Variants in SKAP1 observed in about 807,000 individuals in gnomAD.
SKAP1 encodes src kinase-associated phosphoprotein 1.
SKAP1 carries 44 observed loss-of-function variants against 58.5 expected under a neutral mutation model. The ratio of observed to expected loss-of-function variants is 0.75; its 90% CI spans 0.59 to 0.97. SKAP1 has a LOEUF of 0.97. Ranked by LOEUF, SKAP1 falls within the 50% of genes least tolerant of loss-of-function variation. The probability of loss-of-function intolerance (pLI) is 0.00; values close to 1 mark genes in which losing one functional copy is unlikely to be tolerated. For missense variants in SKAP1, 390 were observed against 435.2 expected, an observed-to-expected ratio of 0.90 and a Z score of 0.92; for synonymous variants, 127 against 149.7, an observed-to-expected ratio of 0.85 and a Z score of 1.11.
At chr17:48,410,110 C>T (rs1408303874) in intron 1 of SKAP1, among the ~76,000 whole-genome samples, 1 of 152,140 alleles carries the variant, frequency 6.6e-6, no homozygotes, top group Non-Finnish European at 1.5e-5. Flanking sequence ...TATGGGTTAA[C>T]AATTCTTATA....
chr17:48,295,142 T>C (rs2065949901), intron 4 of SKAP1, among the ~76,000 whole-genome samples: 1 of 152,190 alleles, frequency 6.6e-6, no homozygotes, highest in African/African-American at 2.4e-5. Flanking sequence ...TGCTAGACTC[T>C]TATATGATCA....
At chr17:48,320,490 C>G (rs1423469742) in intron 4 of SKAP1, among the ~76,000 whole-genome samples, 1 of 152,092 alleles carries the variant, frequency 6.6e-6, no homozygotes, top group Non-Finnish European at 1.5e-5. Context: ...TTGGCCTGAA[C>G]TTTATAACTC....
chr17:48,265,501 AAAGCAAGC>A (rs201049578), intron 4 of SKAP1, among the ~76,000 whole-genome samples: 50,517 of 148,082 alleles, frequency 0.34, 8,945 homozygotes, highest in South Asian at 0.57. Flanking sequence ...AAAAAAAAAA[AAAGCAAGC>A]AAGCAAGCAA....
At chr17:48,439,397 T>G in the SKAP1 span, among the ~76,000 whole-genome samples, 2 of 152,212 alleles carry the variant, frequency 1.3e-5, no homozygotes, top group Non-Finnish European at 2.9e-5. Context: ...TGAAATCTCC[T>G]CTAAACAGCC....
chr17:48,349,629 G>C (rs2066770423), intron 3 of SKAP1, among the ~76,000 whole-genome samples: 1 of 152,026 alleles, frequency 6.6e-6, no homozygotes, highest in African/African-American at 2.4e-5. Context: ...ATAAGAATTG[G>C]GCGTTAGATA....
At chr17:48,183,869 G>T (rs914907949) in intron 7 of SKAP1, among the ~76,000 whole-genome samples, 1 of 152,120 alleles carries the variant, frequency 6.6e-6, no homozygotes, top group African/African-American at 2.4e-5. Context: ...AAAGTCTGAA[G>T]ACTAAAAGTG....
chr17:48,178,900 TC>T (rs2064329435), intron 9 of SKAP1, among the ~76,000 whole-genome samples: 1 of 152,176 alleles, frequency 6.6e-6, no homozygotes, highest in Non-Finnish European at 1.5e-5. Flanking sequence ...AAGCAGGCTC[TC>T]CTTGGAGGGT....
At chr17:48,201,151 C>T (rs1034696247) in intron 4 of SKAP1, among the ~76,000 whole-genome samples, 7 of 151,928 alleles carry the variant, frequency 4.6e-5, no homozygotes, top group African/African-American at 7.3e-5. Flanking sequence ...GAAGTTAGCT[C>T]GTATCACAGC....
intron 2 of SKAP1, among the ~76,000 whole-genome samples, chr17:48,366,796 T>C (rs1355760017): frequency 6.6e-6 from 1 of 152,144 alleles, no homozygotes; most frequent in Admixed American, 6.5e-5. Flanking sequence ...ATTACCCAAC[T>C]TCTAATTTAA....
chr17:48,272,512 G>C (rs1201670025), intron 4 of SKAP1, among the ~76,000 whole-genome samples: 1 of 151,588 alleles, frequency 6.6e-6, no homozygotes, highest in Non-Finnish European at 1.5e-5. Context: ...CAGATTCTAG[G>C]GACAAAGAAC....
At chr17:48,219,171 G>A (rs2064973849) in intron 4 of SKAP1, among the ~76,000 whole-genome samples, 1 of 152,120 alleles carries the variant, frequency 6.6e-6, no homozygotes, top group Admixed American at 6.5e-5. Context: ...GAGGTTACTT[G>A]GGCAGAATTT....
intron 4 of SKAP1, among the ~76,000 whole-genome samples, chr17:48,329,752 T>C (rs1415553291): frequency 6.6e-6 from 1 of 152,088 alleles, no homozygotes; most frequent in East Asian, 1.9e-4. Context: ...CTTCCTTTTC[T>C]GTGAGGCAGT....
the SKAP1 span, among the ~76,000 whole-genome samples, chr17:48,443,402 G>A: frequency 2.8e-3 from 423 of 152,318 alleles, 5 homozygotes; most frequent in African/African-American, 9.7e-3. Context: ...CAACTGCTAT[G>A]CTTGGTGTAT....
intron 2 of SKAP1, among the ~76,000 whole-genome samples, chr17:48,390,885 G>A (rs1241172856): frequency 6.6e-6 from 1 of 152,124 alleles, no homozygotes; most frequent in Non-Finnish European, 1.5e-5. Context: ...GATCAGCCTG[G>A]CCAACATGGT....
chr17:48,162,217 C>T (rs1398486518), intron 11 of SKAP1, among the ~76,000 whole-genome samples: 2 of 152,190 alleles, frequency 1.3e-5, no homozygotes, highest in African/African-American at 2.4e-5. Flanking sequence ...TCACCAGCCT[C>T]GGCCTCCCAA....
chr17:48,201,387 CTCTT>C (rs1260842459), intron 4 of SKAP1, among the ~76,000 whole-genome samples: 1 of 150,950 alleles, frequency 6.6e-6, no homozygotes, highest in East Asian at 1.9e-4. Context: ...TCCTCTCTCT[CTCTT>C]TCTTTTTTGA....
chr17:48,292,522 ATAC>A (rs2065911272), intron 4 of SKAP1, among the ~76,000 whole-genome samples: 1 of 152,236 alleles, frequency 6.6e-6, no homozygotes, highest in African/African-American at 2.4e-5. Context: ...CCAAGAAAAA[ATAC>A]TACATCACAA....
At chr17:48,274,684 G>A (rs1391154865) in intron 4 of SKAP1, among the ~76,000 whole-genome samples, 4 of 149,104 alleles carry the variant, frequency 2.7e-5, no homozygotes, top group Non-Finnish European at 5.9e-5. Flanking sequence ...CAACAAGAGT[G>A]AAACTCCTTC....
Position 48,168,707 on chromosome 17 carries a change from G to A in SKAP1, c.877+1902C>T, listed in dbSNP as rs1193562401. ...ACACACACCTGAGAAAAACTAAGTAGCCCAAACTTGTGTAGCTTGTCTATG... is the reference window on the plus strand; with the variant it reads ...ACACACACCTGAGAAAAACTAAGTAACCCAAACTTGTGTAGCTTGTCTATG... On this transcript the variant is annotated intron_variant, in intron 10 of 12. Coordinates refer to ENST00000336915, the MANE Select transcript of SKAP1 (RefSeq NM_003726.4). 2.6e-5 allele frequency among the ~76,000 whole-genome samples: 4 copies of A among 152,034 alleles called. No individual in the cohort carries two copies. The East Asian group carries it at 7.7e-4, about 29-fold the overall frequency.
Sources: allele counts gnomAD v4.1 joint callset (sites outside exome capture counted in the v4.1 genomes callset), GRCh38; gene constraint gnomAD v4.1.1; transcripts MANE v1.5; gene names NCBI Gene and HGNC (gene_info 2026-07-23, HGNC 2026-07-21).